Variants in CDH4 observed in about 807,000 individuals in gnomAD.
The protein encoded by CDH4 is cadherin 4.
In CDH4, 33 loss-of-function variants were observed where a neutral mutation model predicts 86.0. That is an observed-to-expected ratio of 0.38 (90% CI 0.29 to 0.51). The LOEUF (loss-of-function observed/expected upper bound fraction) is 0.51, where lower values mean the gene tolerates loss of function less well. CDH4 is among the 20% of genes least tolerant of loss of function. CDH4 has a pLI of 0.86. For synonymous variants in CDH4, 555 were observed against 549.4 expected (o/e 1.01, Z -0.14); for missense variants, 1,114 against 1,307.4 (o/e 0.85, Z 2.28).
intron 2 of CDH4, among the ~76,000 whole-genome samples, chr20:61,389,645 C>G (rs2084970283): frequency 6.6e-6 from 1 of 152,176 alleles, no homozygotes; most frequent in South Asian, 2.1e-4. Flanking sequence ...CTCAACTGGG[C>G]CAGGAACACA....
rs28564447 is a variant in CDH4, at chr20:61,312,214, C to T, written c.169+57277C>T. Among the ~76,000 whole-genome samples, 4 of 131,962 alleles carry T rather than the reference C, an allele frequency of 3.0e-5. No individual in the cohort carries two copies. The Admixed American group carries it at 3.1e-4, about 10-fold the overall frequency. 86.6% of individuals were successfully genotyped at this position (131,962 alleles called of 152,430 possible). ...GCATTTTGTGATGTGTGCATATGTG[C>T]GGTGTGTGTGTGGTGTGTGCATGTG... On this transcript the variant is annotated intron_variant, in intron 2 of 15. Coordinates refer to ENST00000614565, the MANE Select transcript of CDH4 (RefSeq NM_001794.5).
intron 2 of CDH4, among the ~76,000 whole-genome samples, chr20:61,349,346 G>T (rs2084696950): frequency 6.6e-6 from 1 of 152,252 alleles, no homozygotes; most frequent in Non-Finnish European, 1.5e-5. Flanking sequence ...GGGTGTGGCA[G>T]CTCCTGTGCT....
chr20:61,746,836 G>T (rs1384661344), intron 3 of CDH4, among the ~76,000 whole-genome samples: 1 of 152,254 alleles, frequency 6.6e-6, no homozygotes, highest in Non-Finnish European at 1.5e-5. Context: ...GCTGGGCCTT[G>T]CCAGGTGGCA....
chr20:61,754,887 C>T lies in CDH4; in HGVS notation c.396+11098C>T, dbSNP rs952720190. On this transcript the variant is annotated intron_variant, in intron 3 of 15. Coordinates refer to ENST00000614565, the MANE Select transcript of CDH4 (RefSeq NM_001794.5). This position sits in a 1 kb window ranked among gnomAD's most constrained non-coding sequence, Gnocchi z 4.7. ...ACGCCACACACACCACACATATACC[C>T]TGCACATACCACACACAGAGTGCGT... 25 of 152,476 alleles carry T rather than the reference C, an allele frequency of 1.6e-4. No homozygotes were observed. Among genetic ancestry groups the T allele is most frequent in the African/African-American group, 5.8e-4 (24 of 41,310 alleles). The allele number at this position is 152,476 out of a possible 1,614,324, so 9.4% of individuals were successfully genotyped here. A position where few individuals can be genotyped will look rare whatever the true frequency, so the allele number is the denominator to read the frequency against.
chr20:61,723,846 G>C (rs1474467986), intron 2 of CDH4, among the ~76,000 whole-genome samples: 1 of 152,100 alleles, frequency 6.6e-6, no homozygotes, highest in Admixed American at 6.5e-5. Flanking sequence ...ACATGAGCCA[G>C]ACGTGCAAGC....
At chr20:61,325,839 G>T (rs1481945085) in intron 2 of CDH4, among the ~76,000 whole-genome samples, 1 of 152,170 alleles carries the variant, frequency 6.6e-6, no homozygotes, top group African/African-American at 2.4e-5. Flanking sequence ...AAAATTTCTT[G>T]AAAACCCAAC....
At chr20:61,779,294 G>C (rs559906076) in intron 4 of CDH4, among the ~76,000 whole-genome samples, 2 of 152,332 alleles carry the variant, frequency 1.3e-5, no homozygotes, top group South Asian at 4.1e-4. Flanking sequence ...CTTTCATTTT[G>C]GCAGTTGATA....
chr20:61,469,268 G>A (rs777198216), intron 2 of CDH4, among the ~76,000 whole-genome samples: 25 of 152,190 alleles, frequency 1.6e-4, no homozygotes, highest in Admixed American at 5.9e-4. Flanking sequence ...GGGATGAAAT[G>A]ATATCTCATT....
At chr20:61,695,959 AG>A (rs2087711009) in intron 2 of CDH4, among the ~76,000 whole-genome samples, 1 of 152,104 alleles carries the variant, frequency 6.6e-6, no homozygotes, top group Non-Finnish European at 1.5e-5. Context: ...GCACCCGACC[AG>A]CCCCCTCCAT....
Position 61,417,100 on chromosome 20 carries a change from G to A in CDH4, c.169+162163G>A, listed in dbSNP as rs1370033448. Among the ~76,000 whole-genome samples, 2 of 152,142 alleles carry A rather than the reference G, an allele frequency of 1.3e-5. No individual in the cohort carries two copies. The highest frequency in any genetic ancestry group is 1.9e-4 in the East Asian group (1 of 5,200). On this transcript the variant is annotated intron_variant, in intron 2 of 15. Transcript: ENST00000614565. The surrounding 1 kb of genome is among the most constrained non-coding windows in gnomAD (Gnocchi z 4.0). Reference sequence around the variant, plus strand: ...TGCTCAATAGAATAATATGTGGCCCGCAGAGCTGACTGTGGGTGCTTGGGA... The same window carrying A: ...TGCTCAATAGAATAATATGTGGCCCACAGAGCTGACTGTGGGTGCTTGGGA...
In CDH4 at chr20:61,254,956, G is replaced by A. The variant is rs1186192930; in HGVS notation, c.169+19G>A. The stretch of plus-strand genomic sequence containing the variant: ...CTTCAAGGTAAGGCGGGGTGTGGAG[G>A]GGTGGGAGTGAATTGCTGCCATGCT... On this transcript the variant is annotated intron_variant, in intron 2 of 15. Coordinates refer to ENST00000614565, the MANE Select transcript of CDH4 (RefSeq NM_001794.5). 1 of 1,373,270 alleles carries A rather than the reference G, an allele frequency of 7.3e-7. No homozygotes were observed. Among genetic ancestry groups the A allele is most frequent in the South Asian group, 1.2e-5 (1 of 86,288 alleles). The allele number at this position is 1,373,270 out of a possible 1,614,324, so 85.1% of individuals were successfully genotyped here. A position where few individuals can be genotyped will look rare whatever the true frequency, so the allele number is the denominator to read the frequency against.
At chr20:61,409,235 C>G (rs2085101648) in intron 2 of CDH4, among the ~76,000 whole-genome samples, 1 of 152,160 alleles carries the variant, frequency 6.6e-6, no homozygotes, top group African/African-American at 2.4e-5. Context: ...CCACGTAGTG[C>G]CAGCATCAGA....
In CDH4 at chr20:61,681,015, G is replaced by A. The variant is rs2087506759; in HGVS notation, c.170-62548G>A. The stretch of plus-strand genomic sequence containing the variant: ...CCCTCCCTTTCCACCCATTTCTTTG[G>A]GAAGACAAATAGGTGACATTCCAGA... On this transcript the variant is annotated intron_variant, in intron 2 of 15. Coordinates refer to ENST00000614565, the MANE Select transcript of CDH4 (RefSeq NM_001794.5). The surrounding 1 kb of genome is among the most constrained non-coding windows in gnomAD (Gnocchi z 4.5). 6.6e-6 allele frequency among the ~76,000 whole-genome samples: 1 copy of A among 152,132 alleles called. No individual in the cohort carries two copies. Among genetic ancestry groups the A allele is most frequent in the Non-Finnish European group, 1.5e-5 (1 of 68,024 alleles).
Position 61,517,089 on chromosome 20 carries a change from C to T in CDH4, c.170-226474C>T, listed in dbSNP as rs748077018. ...ACACTCCATCTGCCCTTCCAGAAAG[C>T]TCCCTCAGGCCCCTTGTGGCCACGA... On this transcript the variant is annotated intron_variant, in intron 2 of 15. Coordinates refer to ENST00000614565, the MANE Select transcript of CDH4 (RefSeq NM_001794.5). This position sits in a 1 kb window ranked among gnomAD's most constrained non-coding sequence, Gnocchi z 6.6. Among the ~76,000 whole-genome samples the T allele has an allele frequency of 1.5e-4, 23 of 152,228 alleles. No individual in the cohort carries two copies. The highest frequency in any genetic ancestry group is 2.1e-4 in the South Asian group (1 of 4,828).
chr20:61,642,084 A>T (rs1393242629), intron 2 of CDH4, among the ~76,000 whole-genome samples: 1 of 151,512 alleles, frequency 6.6e-6, no homozygotes, highest in African/African-American at 2.4e-5. Context: ...CCCACCAGGC[A>T]CCACAGCACC....
In CDH4 at chr20:61,313,187, C is replaced by T. The variant is rs368365206; in HGVS notation, c.169+58250C>T. Among the ~76,000 whole-genome samples, 57 of 152,310 alleles carry T rather than the reference C, an allele frequency of 3.7e-4. No individual in the cohort carries two copies. The South Asian group carries it at 9.8e-3, about 26-fold the overall frequency. On this transcript the variant is annotated intron_variant, in intron 2 of 15. Coordinates refer to ENST00000614565, the MANE Select transcript of CDH4 (RefSeq NM_001794.5). ...TCTCATTTATTTCACCACTCTCAAT[C>T]GTGCACTACGTGGGGCCTGGCTTAG...
chr20:61,303,599 T>A (rs1199542959), intron 2 of CDH4, among the ~76,000 whole-genome samples: 1 of 152,208 alleles, frequency 6.6e-6, no homozygotes, highest in Non-Finnish European at 1.5e-5. Context: ...ATCTTGTGAT[T>A]TGGGGGGTGT....
rs1351368508 is a variant in CDH4 at position 61,807,141 on chromosome 20, C to T, written c.576+33959C>T. Among the ~76,000 whole-genome samples, 2 of 152,372 alleles carry T rather than the reference C, an allele frequency of 1.3e-5. No homozygotes were observed. Among genetic ancestry groups the T allele is most frequent in the Admixed American group, 1.3e-4 (2 of 15,310 alleles). On this transcript the variant is annotated intron_variant, in intron 4 of 15. Coordinates refer to ENST00000614565, the MANE Select transcript of CDH4 (RefSeq NM_001794.5). The surrounding 1 kb of genome is among the most constrained non-coding windows in gnomAD (Gnocchi z 4.5). ...CCCCGCCAGCCCCCAGCTGCAAGGC[C>T]AGTGGGGCAGGTGCCGGGAGGGCCT...
chr20:61,552,810 A>G (rs1258349821), intron 2 of CDH4, among the ~76,000 whole-genome samples: 1 of 152,182 alleles, frequency 6.6e-6, no homozygotes, highest in Non-Finnish European at 1.5e-5. Flanking sequence ...ATGTGGAGAC[A>G]TTGGAACCCT....
Sources: allele counts gnomAD v4.1 joint callset (sites outside exome capture counted in the v4.1 genomes callset), GRCh38; gene constraint gnomAD v4.1.1; non-coding constraint Gnocchi (gnomAD v3.1); transcripts MANE v1.5; gene names NCBI Gene and HGNC (gene_info 2026-07-23, HGNC 2026-07-21).